CELSR3: variants seen among roughly 807,000 people sequenced by gnomAD.
CELSR3 encodes EGF-like protein 1.
A neutral mutation model predicts 270.0 loss-of-function variants in CELSR3; 73 were observed. That is an observed-to-expected ratio of 0.27 (90% CI 0.22 to 0.33). CELSR3 has a LOEUF of 0.33. Ranked by LOEUF, CELSR3 falls within the 10% of genes least tolerant of loss-of-function variation. The pLI, the probability that CELSR3 is intolerant of heterozygous loss-of-function variation, is 1.00. For synonymous variants in CELSR3, 1,780 were observed against 1,905.4 expected (o/e 0.93, Z 1.71); for missense variants, 3,614 against 4,533.8 (o/e 0.80, Z 5.83).
Position 48,660,795 on chromosome 3 carries a change from T to C in CELSR3, c.1840A>G (p.Arg614Gly). 1.2e-6 allele frequency: 2 copies of C among 1,614,126 alleles called. No individual in the cohort carries two copies. The highest frequency in any genetic ancestry group is 1.7e-6 in the Non-Finnish European group (2 of 1,180,032). Residue 614 changes from arginine to glycine, a missense_variant, in exon 1 of 35, where the codon AGA becomes GGA. Physicochemically the swap from Arg to Gly is moderately radical, Grantham distance 125. This residue lies in a region of CELSR3 where 354 missense variants were observed against 500.9 expected (regional missense o/e 0.71). Transcript: ENST00000164024. This position sits in a 1 kb window ranked among gnomAD's most constrained non-coding sequence, Gnocchi z 5.5. ...VVAPLDFEAE[R>G]EYALRIRAQD... ...GCCCTGATGCGCAAGGCATACTCTC[T>C]CTCTGCCTCGAAGTCCAGAGGTGCC...
chr3:48,645,014 G>T lies in CELSR3; in HGVS notation c.7972+21C>A, dbSNP rs759537454. 1.3e-6 allele frequency: 2 copies of T among 1,564,630 alleles called. No homozygotes were observed. The highest frequency in any genetic ancestry group is 2.4e-5 in the South Asian group (2 of 85,052). On this transcript the variant is annotated intron_variant, in intron 25 of 34. Coordinates refer to ENST00000164024, the MANE Select transcript of CELSR3 (RefSeq NM_001407.3). The surrounding 1 kb of genome is among the most constrained non-coding windows in gnomAD (Gnocchi z 5.4). Reference sequence around the variant, plus strand: ...GGGTCAGGCCATGTGATGGTTGGAGGTTGGGGGTCACAGCCCTCACCCAGC... The same window carrying T: ...GGGTCAGGCCATGTGATGGTTGGAGTTTGGGGGTCACAGCCCTCACCCAGC...
In CELSR3 at chr3:48,650,452, GT is replaced by G; in HGVS notation, c.6472+27del. ...GAGTACAGGCCCACCCCCACCCTCAGTGATGTCCTTTCCCCCCACATACTCA... is the reference window on the plus strand; with the variant it reads ...GAGTACAGGCCCACCCCCACCCTCAGGATGTCCTTTCCCCCCACATACTCA... On this transcript the variant is annotated intron_variant, in intron 16 of 34. Coordinates refer to ENST00000164024, the MANE Select transcript of CELSR3 (RefSeq NM_001407.3). This position sits in a 1 kb window ranked among gnomAD's most constrained non-coding sequence, Gnocchi z 5.1. 4.6e-6 allele frequency: 5 copies of G among 1,097,678 alleles called. No homozygotes were observed. Among genetic ancestry groups the G allele is most frequent in the Non-Finnish European group, 6.8e-6 (5 of 738,002 alleles). 68.0% of individuals were successfully genotyped at this position (1,097,678 alleles called of 1,614,324 possible).
intron 2 of CELSR3, among the ~76,000 whole-genome samples, 166 bp from the exon 3 acceptor site, chr3:48,656,531 G>T (rs546888557): frequency 6.6e-6 from 1 of 152,300 alleles, no homozygotes; most frequent in South Asian, 2.1e-4. Context: ...CAGTCTCATC[G>T]CTGCCTCGGC....
At position 48,642,054 on chromosome 3, in the gene CELSR3, G is replaced by A; in HGVS notation, c.8666-45C>T. 3 of 1,493,502 alleles carry A rather than the reference G, an allele frequency of 2.0e-6. No individual in the cohort carries two copies. The highest frequency in any genetic ancestry group is 2.8e-5 in the South Asian group (2 of 72,516). The allele number at this position is 1,493,502 out of a possible 1,614,324, so 92.5% of individuals were successfully genotyped here. A position where few individuals can be genotyped will look rare whatever the true frequency, so the allele number is the denominator to read the frequency against. The stretch of plus-strand genomic sequence containing the variant: ...AAGTACTTTCAGAGGTAAGGGACTT[G>A]GAGATAAGGGAATTTGGAGTTGAGG... On this transcript the variant is annotated intron_variant, in intron 31 of 34. Transcript: ENST00000164024. The surrounding 1 kb of genome is among the most constrained non-coding windows in gnomAD (Gnocchi z 6.1).
In CELSR3 at chr3:48,637,519, A is replaced by T. The variant is rs1249240484; in HGVS notation, c.*686T>A. The T allele has an allele frequency of 6.5e-6, 1 of 152,724 alleles. No homozygotes were observed. Among genetic ancestry groups the T allele is most frequent in the Non-Finnish European group, 1.5e-5 (1 of 68,184 alleles). 9.5% of individuals were successfully genotyped at this position (152,724 alleles called of 1,614,324 possible). A position where few individuals can be genotyped will look rare whatever the true frequency, so the allele number is the denominator to read the frequency against. On this transcript the variant is annotated 3_prime_UTR_variant, in exon 35 of 35. Transcript: ENST00000164024. ...AGGGAAGCCTTGCTCTGTAAACACG[A>T]CATCAGCTGCTCCACCAGCACCCCA...
chr3:48,661,650 T>G lies in CELSR3; in HGVS notation c.985A>C (p.Asn329His). Residue 329 changes from asparagine (N) to histidine (H), a missense_variant, in exon 1 of 35, where the codon AAC becomes CAC. Transcript: ENST00000164024. ...TTCTCCGGCACCAGCGTCTGGTAGT[T>G]GTACTGCGGAAACTGCGGGTGGCGG... ...ANRHPQFPQY[N>H]YQTLVPENEA... The G allele has an allele frequency of 6.3e-7, 1 of 1,590,558 alleles. No individual in the cohort carries two copies. Among genetic ancestry groups the G allele is most frequent in the South Asian group, 1.1e-5 (1 of 88,730 alleles).
chr3:48,647,703 G>A (rs2047099098), intron 20 of CELSR3, 138 bp downstream of exon 20: 2 of 772,858 alleles, frequency 2.6e-6, no homozygotes, highest in African/African-American at 3.6e-5. Context: ...ATATGGGAGG[G>A]AGGGTGGAGG....
Position 48,646,313 on chromosome 3 carries a change from C to T in CELSR3, c.7296-56G>A. The stretch of plus-strand genomic sequence containing the variant: ...TGCTGACCTCCCCATGCTCAGCCTG[C>T]TTGCCTCACCCCGTCTTCATGCCAC... On this transcript the variant is annotated intron_variant, in intron 21 of 34. Transcript: ENST00000164024. The surrounding 1 kb of genome is among the most constrained non-coding windows in gnomAD (Gnocchi z 4.8). 4 of 1,537,124 alleles carry T rather than the reference C, an allele frequency of 2.6e-6. No individual in the cohort carries two copies. Among genetic ancestry groups the T allele is most frequent in the Non-Finnish European group, 3.5e-6 (4 of 1,133,640 alleles).
rs1409338622 is a variant in CELSR3, at chr3:48,644,620, A to G, written c.8085+96T>C. ...TGAAGGCCGAGCCCAGGAAGCCTGC[A>G]GAATGCCACCTGACCGCCCTCAGCT... On this transcript the variant is annotated intron_variant, in intron 26 of 34. Transcript: ENST00000164024. This position sits in a 1 kb window ranked among gnomAD's most constrained non-coding sequence, Gnocchi z 4.8. 2.1e-6 allele frequency: 2 copies of G among 957,774 alleles called. No individual in the cohort carries two copies. The highest frequency in any genetic ancestry group is 3.3e-5 in the African/African-American group (2 of 60,912). The allele number at this position is 957,774 out of a possible 1,614,324, so 59.3% of individuals were successfully genotyped here. A position where few individuals can be genotyped will look rare whatever the true frequency, so the allele number is the denominator to read the frequency against.
At position 48,656,753 on chromosome 3, in the gene CELSR3, T is replaced by A; in HGVS notation, c.4344A>T (p.Gly1448=). The part of the protein sequence containing the change: ...LCYSNPCRNG[G]ACARREGGYT... The stretch of plus-strand genomic sequence containing the variant: ...AGCCTCCCTCGCGCCGCGCGCAGGC[T>A]CCGCCGTTGCGACATGGGTTGGAGT... The change falls in exon 2 of 35, where the codon GGA becomes GGT. Residue 1448 remains glycine (G), a synonymous_variant. Transcript: ENST00000164024. 1 of 1,544,784 alleles carries A rather than the reference T, an allele frequency of 6.5e-7. No homozygotes were observed. The highest frequency in any genetic ancestry group is 1.2e-5 in the South Asian group (1 of 80,638).
Position 48,649,232 on chromosome 3 carries a change from C to T in CELSR3, c.6473-17G>A, listed in dbSNP as rs1168984941. On this transcript the variant is annotated splice_polypyrimidine_tract_variant and intron_variant, in intron 16 of 34. Transcript: ENST00000164024. ...CAGCAGCACCTGGAGGCAGGCAACC[C>T]CTGGTCAGGCCTGGGGCCTGGATAC... 7 of 1,593,744 alleles carry T rather than the reference C, an allele frequency of 4.4e-6. No homozygotes were observed. Among genetic ancestry groups the T allele is most frequent in the Middle Eastern group, 1.7e-4 (1 of 5,866 alleles).
rs750178220 is a variant in CELSR3, at chr3:48,655,198, G to C, written c.4834C>G (p.Arg1612Gly). The C allele has an allele frequency of 6.2e-7, 1 of 1,613,826 alleles. No individual in the cohort carries two copies. Among genetic ancestry groups the C allele is most frequent in the Non-Finnish European group, 8.5e-7 (1 of 1,179,928 alleles). Residue 1612 changes from arginine to glycine, a missense_variant, in exon 6 of 35, where the codon CGG (arginine) becomes GGG (glycine). By Grantham distance (125) the Arg-to-Gly change is moderately radical. Transcript: ENST00000164024. The surrounding 1 kb of genome is among the most constrained non-coding windows in gnomAD (Gnocchi z 5.8). ...TGTGCACCCCCTAGGGCATCTGTCC[G>C]GGGCTGAAGACGCAGGCACACCAGT... ...TVHLRYYNKP[R>G]TDALGGAQGP... is the part of the protein sequence containing the mutation.
chr3:48,648,016 G>A lies in CELSR3; in HGVS notation c.6974-20C>T, dbSNP rs2047102719. ...TGAGCACTACCCAGGAGAAAGAAAG[G>A]GGAGGCCCATCATGGACCTCTTCCC... On this transcript the variant is annotated intron_variant, in intron 19 of 34. Transcript: ENST00000164024. The A allele has an allele frequency of 6.2e-7, 1 of 1,610,690 alleles. No individual in the cohort carries two copies. Among genetic ancestry groups the A allele is most frequent in the Admixed American group, 1.7e-5 (1 of 59,886 alleles).
Position 48,653,159 on chromosome 3 carries a change from A to G in CELSR3, c.5477T>C (p.Val1826Ala), listed in dbSNP as rs754933649. 1 of 1,613,272 alleles carries G rather than the reference A, an allele frequency of 6.2e-7. No homozygotes were observed. Among genetic ancestry groups the G allele is most frequent in the African/African-American group, 1.3e-5 (1 of 75,046 alleles). The change falls in exon 10 of 35, where the codon GTG (valine) becomes GCG (alanine). Residue 1826 changes from valine to alanine, a missense_variant. Physicochemically the swap from Val to Ala is moderately conservative, Grantham distance 64 (BLOSUM62 0). Coordinates refer to ENST00000164024, the MANE Select transcript of CELSR3 (RefSeq NM_001407.3). This position sits in a 1 kb window ranked among gnomAD's most constrained non-coding sequence, Gnocchi z 6.5. ...QLDRGLLSVT[V>A]TRGSGRASHL... ...GGAAGCACGGCCCGAGCCCCTGGTC[A>G]CTGTCACAGACAGTAACCCCCGATC... is the stretch of plus-strand genomic sequence containing the variant.
rs895157655 is a variant in CELSR3, at chr3:48,648,396, C to A, written c.6843G>T (p.Gly2281=). 1.2e-6 allele frequency: 2 copies of A among 1,608,914 alleles called. No homozygotes were observed. Among genetic ancestry groups the A allele is most frequent in the Non-Finnish European group, 1.7e-6 (2 of 1,178,494 alleles). Residue 2281 remains glycine, a synonymous_variant, in exon 19 of 35, where the codon GGG becomes GGT. Transcript: ENST00000164024. ...PETGDLWAAL[G]QRAPGGSPGS... is the part of the protein sequence containing the mutation. ...CTGGGGAGCCCCCAGGGGCCCGCTG[C>A]CCCAGCGCCGCCCACAAGTCCCCTG...
chr3:48,649,972 G>A (rs2047122712), intron 16 of CELSR3, among the ~76,000 whole-genome samples: 1 of 150,300 alleles, frequency 6.7e-6, no homozygotes, highest in Non-Finnish European at 1.5e-5. Context: ...CAAGCAGCAG[G>A]AAGGAGCTAT....
Position 48,652,692 on chromosome 3 carries a change from C to G in CELSR3, c.5635-139G>C, listed in dbSNP as rs2047147994. 1.5e-6 allele frequency: 1 copy of G among 665,186 alleles called. No homozygotes were observed. 41.2% of individuals were successfully genotyped at this position (665,186 alleles called of 1,614,324 possible). A position where few individuals can be genotyped will look rare whatever the true frequency, so the allele number is the denominator to read the frequency against. On this transcript the variant is annotated intron_variant, in intron 10 of 34. Coordinates refer to ENST00000164024, the MANE Select transcript of CELSR3 (RefSeq NM_001407.3). The surrounding 1 kb of genome is among the most constrained non-coding windows in gnomAD (Gnocchi z 4.3). ...GGACCCACAGTAGACCTTAATATTG[C>G]TTGATTTTGACCGGGGGTGGGTAGA...
rs1430289048 is a variant in CELSR3 at position 48,640,388 on chromosome 3, T to C, written c.9197A>G (p.Tyr3066Cys). ...CAGGTCCAGCTGTTCTCTAGAAGAG[T>C]AGCGGCTGGCTGGCTGTGAAAGGCT... Reference protein sequence around the residue: ...TGSLSQPASRYSSREQLDLLL... With the variant: ...TGSLSQPASRCSSREQLDLLL... Residue 3066 changes from tyrosine to cysteine, a missense_variant, in exon 34 of 35, where the codon TAC (tyrosine) becomes TGC (cysteine). Physicochemically the swap from Tyr to Cys is radical, Grantham distance 194. Transcript: ENST00000164024. The surrounding 1 kb of genome is among the most constrained non-coding windows in gnomAD (Gnocchi z 7.5). 1 of 1,612,134 alleles carries C rather than the reference T, an allele frequency of 6.2e-7. No individual in the cohort carries two copies. Among genetic ancestry groups the C allele is most frequent in the Non-Finnish European group, 8.5e-7 (1 of 1,179,784 alleles).
chr3:48,648,247 T>TCCCCCCCCCC lies in CELSR3; in HGVS notation c.6973+18_6973+19insGGGGGGGGGG. 1 of 584,578 alleles carries TCCCCCCCCCC rather than the reference T, an allele frequency of 1.7e-6. No homozygotes were observed. The allele number at this position is 584,578 out of a possible 1,614,324, so 36.2% of individuals were successfully genotyped here. A position where few individuals can be genotyped will look rare whatever the true frequency, so the allele number is the denominator to read the frequency against. On this transcript the variant is annotated intron_variant, in intron 19 of 34. Coordinates refer to ENST00000164024, the MANE Select transcript of CELSR3 (RefSeq NM_001407.3). ...ATGGCCCCCCTGCTGTGCCCCGCCC[T>TCCCCCCCCCC]ACCCCACCCACAACGCACTGATATT...
Sources: allele counts gnomAD v4.1 joint callset (sites outside exome capture counted in the v4.1 genomes callset), GRCh38; gene constraint gnomAD v4.1.1; regional missense constraint gnomAD v4.1.1; non-coding constraint Gnocchi (gnomAD v3.1); transcripts MANE v1.5; gene names NCBI Gene and HGNC (gene_info 2026-07-23, HGNC 2026-07-21).